The following PTPRM variants were observed in gnomAD, a reference collection of about 807,000 sequenced individuals.
The protein encoded by PTPRM is receptor-type tyrosine-protein phosphatase mu.
In PTPRM, 47 loss-of-function variants were observed where a neutral mutation model predicts 186.7. The ratio of observed to expected loss-of-function variants is 0.25; its 90% CI spans 0.20 to 0.32. PTPRM has a LOEUF of 0.32. PTPRM is among the 10% of genes least tolerant of loss of function. The pLI is 1.00. For synonymous variants in PTPRM, 668 were observed against 674.9 expected (o/e 0.99, Z 0.16); for missense variants, 1,494 against 1,865.0 (o/e 0.80, Z 3.66).
chr18:7,741,407 A>G (rs935420197), intron 1 of PTPRM: 19 of 152,322 alleles, frequency 1.2e-4, no homozygotes, highest in Admixed American at 3.9e-4. Flanking sequence ...CGGCTGAGCA[A>G]TGGCCCAAAT....
intron 7 of PTPRM, among the ~76,000 whole-genome samples, chr18:8,015,628 G>A (rs188536562): frequency 1.3e-5 from 2 of 152,116 alleles, no homozygotes; most frequent in Non-Finnish European, 2.9e-5. Context: ...AATTAATTTA[G>A]AGCAGAACCT....
intron 1 of PTPRM, among the ~76,000 whole-genome samples, chr18:7,748,521 G>A (rs1296176568): frequency 6.6e-6 from 1 of 152,166 alleles, no homozygotes; most frequent in African/African-American, 2.4e-5. Flanking sequence ...GGGTGGAAGG[G>A]TTGGGGTTCT....
rs1465724326 is a variant in PTPRM, at chr18:8,394,721, CA to C, written c.4344+114del. ...ATGCGTAGAGGAAGAGACTCATTTT[CA>C]AAATCACAATGTAATCACTTTGCTT... On this transcript the variant is annotated intron_variant, in intron 32 of 32. Coordinates refer to ENST00000580170, the MANE Select transcript of PTPRM (RefSeq NM_001105244.2). 67 of 1,175,940 alleles carry C rather than the reference CA, an allele frequency of 5.7e-5. No homozygotes were observed. In the East Asian group the frequency reaches 1.9e-3, roughly 33 times the overall value. The allele number at this position is 1,175,940 out of a possible 1,614,324, so 72.8% of individuals were successfully genotyped here.
chr18:8,265,485 A>C (rs1601549013), intron 19 of PTPRM, among the ~76,000 whole-genome samples: 1 of 152,374 alleles, frequency 6.6e-6, no homozygotes, highest in East Asian at 1.9e-4. Flanking sequence ...ACAAGTTTGT[A>C]AGCCTGAGTT....
At chr18:7,687,407 A>C (rs2039627770) in intron 1 of PTPRM, among the ~76,000 whole-genome samples, 1 of 152,160 alleles carries the variant, frequency 6.6e-6, no homozygotes, top group African/African-American at 2.4e-5. Flanking sequence ...TAATGTAATG[A>C]CTTTACCTAT....
At chr18:8,291,658 G>A (rs536875884) in intron 19 of PTPRM, among the ~76,000 whole-genome samples, 11 of 152,158 alleles carry the variant, frequency 7.2e-5, no homozygotes, top group East Asian at 1.9e-4. Context: ...AAAAATGCAC[G>A]GGTGAACATC....
chr18:8,118,493 G>A (rs1200571739), intron 13 of PTPRM, among the ~76,000 whole-genome samples: 3 of 152,104 alleles, frequency 2.0e-5, no homozygotes, highest in Admixed American at 2.0e-4. Flanking sequence ...GAATTTTTAA[G>A]CTTTCTTAAA....
chr18:7,655,164 T>C (rs138672551), intron 1 of PTPRM, among the ~76,000 whole-genome samples: 15 of 152,302 alleles, frequency 9.8e-5, no homozygotes, highest in African/African-American at 3.6e-4. Context: ...CCTTTACTTA[T>C]CTTGTTTGTT....
intron 11 of PTPRM, among the ~76,000 whole-genome samples, chr18:8,104,336 CTG>C (rs1286061867): frequency 1.3e-5 from 2 of 152,144 alleles, no homozygotes; most frequent in African/African-American, 4.8e-5. Flanking sequence ...ATTGGAATCT[CTG>C]GGGTTTATCC....
intron 1 of PTPRM, among the ~76,000 whole-genome samples, chr18:7,605,425 C>A (rs1052988195): frequency 6.6e-6 from 1 of 151,572 alleles, no homozygotes; most frequent in Non-Finnish European, 1.5e-5. Context: ...AATGTCCCCC[C>A]CCCACTTCCG....
intron 7 of PTPRM, among the ~76,000 whole-genome samples, chr18:8,007,253 C>T (rs2084246350): frequency 6.6e-6 from 1 of 152,146 alleles, no homozygotes; most frequent in Non-Finnish European, 1.5e-5. Flanking sequence ...TACTAACATA[C>T]GCTTCTCAAA....
chr18:8,306,827 C>A (rs1231161941), intron 20 of PTPRM, among the ~76,000 whole-genome samples: 1 of 152,188 alleles, frequency 6.6e-6, no homozygotes, highest in Non-Finnish European at 1.5e-5. Context: ...CCACATTTGC[C>A]AGATGCCAGA....
intron 23 of PTPRM, among the ~76,000 whole-genome samples, chr18:8,350,260 G>A (rs570494480): frequency 1.7e-3 from 254 of 152,290 alleles, no homozygotes; most frequent in African/African-American, 5.9e-3. Context: ...GATGTAAAGA[G>A]CCAAATGCCA....
At chr18:8,282,467 A>C (rs1391764663) in intron 19 of PTPRM, among the ~76,000 whole-genome samples, 1 of 152,176 alleles carries the variant, frequency 6.6e-6, no homozygotes, top group African/African-American at 2.4e-5. Context: ...GTTCGAGACC[A>C]GCCTGGCCAA....
chr18:8,043,151 C>G (rs1198542864), intron 7 of PTPRM, among the ~76,000 whole-genome samples: 1 of 152,148 alleles, frequency 6.6e-6, no homozygotes, highest in African/African-American at 2.4e-5. Context: ...CTTCTGGTTC[C>G]TGTATAGCCT....
chr18:8,210,863 C>T (rs139794784), intron 14 of PTPRM, among the ~76,000 whole-genome samples: 1 of 152,138 alleles, frequency 6.6e-6, no homozygotes, highest in Non-Finnish European at 1.5e-5. Context: ...TAGAGGCAAA[C>T]CAGGAAGGAT....
intron 1 of PTPRM, among the ~76,000 whole-genome samples, chr18:7,638,791 T>A (rs2038378017): frequency 6.6e-6 from 1 of 152,208 alleles, no homozygotes. Flanking sequence ...ATAATTTGGG[T>A]AGTCAGAAAT....
intron 20 of PTPRM, among the ~76,000 whole-genome samples, chr18:8,301,755 A>G (rs551368974): frequency 1.3e-5 from 2 of 152,320 alleles, no homozygotes; most frequent in East Asian, 3.9e-4. Context: ...GACAGGAGCA[A>G]TTGCTGAGTG....
intron 21 of PTPRM, among the ~76,000 whole-genome samples, chr18:8,318,867 G>A (rs1279293995): frequency 6.6e-6 from 1 of 152,226 alleles, no homozygotes; most frequent in Non-Finnish European, 1.5e-5. Flanking sequence ...CAGTTTGTTT[G>A]CACTTTGTAA....
Sources: allele counts gnomAD v4.1 joint callset (sites outside exome capture counted in the v4.1 genomes callset), GRCh38; gene constraint gnomAD v4.1.1; transcripts MANE v1.5; gene names NCBI Gene and HGNC (gene_info 2026-07-23, HGNC 2026-07-21).